The following SLC13A3 variants were observed in gnomAD, a reference collection of about 807,000 sequenced individuals.
SLC13A3 encodes Na(+)/dicarboxylate cotransporter 3.
A neutral mutation model predicts 59.0 loss-of-function variants in SLC13A3; 40 were observed. The observed-to-expected ratio is 0.68, with a 90% CI of 0.53 to 0.88. The LOEUF is 0.88. Among genes scored for constraint, SLC13A3 ranks in the 40% least tolerant of loss-of-function variants. The probability of loss-of-function intolerance (pLI) is 0.00; values close to 1 mark genes in which losing one functional copy is unlikely to be tolerated. For missense variants in SLC13A3, 699 were observed against 783.2 expected (o/e 0.89, Z 1.28); for synonymous variants, 317 against 330.3 (o/e 0.96, Z 0.44).
chr20:46,643,874 C>CA (rs1232891495), intron 1 of SLC13A3, among the ~76,000 whole-genome samples: 1 of 151,860 alleles, frequency 6.6e-6, no homozygotes, highest in African/African-American at 2.4e-5. Flanking sequence ...TCCATCTCTA[C>CA]AAAAAATACA....
chr20:46,589,150 C>G lies in SLC13A3; in HGVS notation c.1016+10G>C. 6.2e-7 allele frequency: 1 copy of G among 1,612,174 alleles called. No homozygotes were observed. The highest frequency in any genetic ancestry group is 2.2e-5 in the East Asian group (1 of 44,888). ...TCAGCTCTTTCCTTAACCCAAGGGC[C>G]CCCACATACTTGATGGGCCCCAGGT... On this transcript the variant is annotated intron_variant, in intron 7 of 12. Transcript: ENST00000279027.
intron 6 of SLC13A3, among the ~76,000 whole-genome samples, chr20:46,591,681 T>C (rs1380943759): frequency 1.3e-5 from 2 of 152,202 alleles, no homozygotes; most frequent in African/African-American, 4.8e-5. Context: ...TCCCATAATA[T>C]GATTTGGTGT....
intron 5 of SLC13A3, among the ~76,000 whole-genome samples, chr20:46,593,328 C>T (rs2062279155): frequency 6.6e-6 from 1 of 152,038 alleles, no homozygotes; most frequent in African/African-American, 2.4e-5. Flanking sequence ...TTTAAAAAAA[C>T]AACCAGAAAT....
chr20:46,583,458 G>C, intron 9 of SLC13A3, 114 bp downstream of exon 9: 1 of 1,498,514 alleles, frequency 6.7e-7, no homozygotes, highest in Non-Finnish European at 8.8e-7. Flanking sequence ...AGTGAAAGGA[G>C]AAGCAGGAAG....
upstream of SLC13A3, among the ~76,000 whole-genome samples, chr20:46,654,350 T>C (rs936914955): frequency 1.3e-5 from 2 of 152,210 alleles, no homozygotes; most frequent in African/African-American, 4.8e-5. Context: ...TTACATTGCA[T>C]GTACATAACT....
chr20:46,633,847 G>T (rs2062768808), intron 1 of SLC13A3, among the ~76,000 whole-genome samples: 1 of 152,234 alleles, frequency 6.6e-6, no homozygotes, highest in Non-Finnish European at 1.5e-5. Flanking sequence ...CTATGCTTAG[G>T]CACCAAGCCA....
intron 5 of SLC13A3, among the ~76,000 whole-genome samples, chr20:46,595,119 A>G (rs1258878915): frequency 6.6e-6 from 1 of 152,202 alleles, no homozygotes; most frequent in Admixed American, 6.5e-5. Context: ...AAATGCTTAC[A>G]TTTGCATTTA....
At chr20:46,644,590 A>AGGACT (rs2062875889) in intron 1 of SLC13A3, among the ~76,000 whole-genome samples, 2 of 152,370 alleles carry the variant, frequency 1.3e-5, no homozygotes, top group South Asian at 4.1e-4. Context: ...CTGTGAAGAA[A>AGGACT]GGACTGTGGA....
chr20:46,564,613 C>T (rs1242521806), intron 11 of SLC13A3, among the ~76,000 whole-genome samples: 1 of 152,140 alleles, frequency 6.6e-6, no homozygotes, highest in Non-Finnish European at 1.5e-5. Flanking sequence ...TGACCAGGTC[C>T]CTCTGAGGAC....
At chr20:46,583,517 C>T in intron 9 of SLC13A3, 55 bp downstream of exon 9, 1 of 1,598,796 alleles carries the variant, frequency 6.3e-7, no homozygotes, top group Non-Finnish European at 8.5e-7. Context: ...GATGACCACA[C>T]TCCATGCCGC....
chr20:46,620,950 G>C (rs1486765867), intron 1 of SLC13A3, among the ~76,000 whole-genome samples: 1 of 152,160 alleles, frequency 6.6e-6, no homozygotes, highest in African/African-American at 2.4e-5. Flanking sequence ...ATGAAACATG[G>C]CTTTGCCAGT....
chr20:46,589,076 C>T (rs2062225277), intron 7 of SLC13A3, 84 bp downstream of exon 7: 3 of 1,212,070 alleles, frequency 2.5e-6, no homozygotes, highest in Non-Finnish European at 3.6e-6. Flanking sequence ...GCTCAGCCCC[C>T]ATGGGCCCAA....
chr20:46,640,599 C>T (rs1468984695), intron 1 of SLC13A3, among the ~76,000 whole-genome samples: 1 of 152,180 alleles, frequency 6.6e-6, no homozygotes, highest in Non-Finnish European at 1.5e-5. Context: ...TTTGAGCCTT[C>T]CCAGCAGGTA....
rs551914612 is a variant in SLC13A3, at chr20:46,583,112, T to A, written c.1219+460A>T. On this transcript the variant is annotated intron_variant, in intron 9 of 12. Transcript: ENST00000279027. ...CTGCAAAGGACAAGAAAAATAAACA[T>A]TTTTTGCTTTTGTGGGCCAAGAGGC... 499 of 982,314 alleles carry A rather than the reference T, an allele frequency of 5.1e-4. 3 individuals are homozygous for A. In the African/African-American group the frequency reaches 7.6e-3, roughly 15 times the overall value. The allele number at this position is 982,314 out of a possible 1,614,324, so 60.8% of individuals were successfully genotyped here.
intron 1 of SLC13A3, among the ~76,000 whole-genome samples, chr20:46,676,417 T>C (rs562455385): frequency 4.1e-4 from 59 of 143,526 alleles, no homozygotes; most frequent in African/African-American, 1.5e-3. Flanking sequence ...AACTCTTTTT[T>C]TTTTTTTTTT....
chr20:46,649,059 T>C (rs1348189229), intron 1 of SLC13A3, among the ~76,000 whole-genome samples: 2 of 152,128 alleles, frequency 1.3e-5, no homozygotes, highest in African/African-American at 4.8e-5. Flanking sequence ...TTTCTTCACC[T>C]GTCAAATAGG....
upstream of SLC13A3, among the ~76,000 whole-genome samples, chr20:46,672,904 C>A (rs1248271082): frequency 6.6e-6 from 1 of 152,028 alleles, no homozygotes; most frequent in East Asian, 1.9e-4. Context: ...GCTGAGTGAC[C>A]CTGAGTGCAT....
chr20:46,590,529 A>G (rs1600527115), intron 6 of SLC13A3, among the ~76,000 whole-genome samples: 1 of 152,212 alleles, frequency 6.6e-6, no homozygotes. Context: ...CAGTTTCACA[A>G]TTCACAGGAA....
intron 11 of SLC13A3, 76 bp downstream of exon 11, chr20:46,566,153 G>A (rs2061977867): frequency 7.9e-7 from 1 of 1,265,304 alleles, no homozygotes; most frequent in Non-Finnish European, 1.1e-6. Context: ...CCCCAGTGAA[G>A]GTCCCTTGGC....
Sources: allele counts gnomAD v4.1 joint callset (sites outside exome capture counted in the v4.1 genomes callset), GRCh38; gene constraint gnomAD v4.1.1; transcripts MANE v1.5; gene names NCBI Gene and HGNC (gene_info 2026-07-23, HGNC 2026-07-21).